GPHB5: variants seen among roughly 807,000 people sequenced by gnomAD.
GPHB5 encodes the protein glycoprotein hormone beta-5.
A neutral mutation model predicts 10.1 loss-of-function variants in GPHB5; 7 were observed. The ratio of observed to expected loss-of-function variants is 0.69; its 90% confidence interval spans 0.39 to 1.30. The LOEUF (loss-of-function observed/expected upper bound fraction) is 1.30. Ranked by LOEUF, GPHB5 falls within the 50% of genes most tolerant of loss-of-function variation. The pLI, the probability that GPHB5 is intolerant of heterozygous loss-of-function variation, is 0.01. For missense variants in GPHB5, 161 were observed against 169.8 expected, an observed-to-expected ratio of 0.95 and a Z score of 0.29; for synonymous variants, 68 against 70.1, an observed-to-expected ratio of 0.97 and a Z score of 0.15.
intron 2 of GPHB5, among the ~76,000 whole-genome samples, chr14:63,315,001 C>T (rs1321119299): frequency 6.7e-6 from 1 of 149,368 alleles, no homozygotes; most frequent in African/African-American, 2.5e-5. Flanking sequence ...CTCCTGGGTT[C>T]AAGCAAGTCT....
At chr14:63,317,412 C>T (rs950128735) in intron 2 of GPHB5, among the ~76,000 whole-genome samples, 1 of 152,198 alleles carries the variant, frequency 6.6e-6, no homozygotes, top group African/African-American at 2.4e-5. Context: ...GATACATAGA[C>T]ACAATGTAAA....
intron 2 of GPHB5, among the ~76,000 whole-genome samples, chr14:63,314,061 CAAG>C (rs1182002323): frequency 6.6e-6 from 1 of 152,206 alleles, no homozygotes; most frequent in Non-Finnish European, 1.5e-5. Flanking sequence ...GAAAACATTA[CAAG>C]ACAGGTTCCC....
At chr14:63,315,257 G>C (rs1271558) in intron 2 of GPHB5, among the ~76,000 whole-genome samples, 58,472 of 151,852 alleles carry the variant, frequency 0.39, 12,348 homozygotes, top group African/African-American at 0.56. Flanking sequence ...AATTTGTCCT[G>C]AACTGTTTTC....
At chr14:63,317,915 A>T in intron 1 of GPHB5, 65 bp from the exon 2 acceptor site, 1 of 1,449,478 alleles carries the variant, frequency 6.9e-7, no homozygotes, top group Non-Finnish European at 9.6e-7. Flanking sequence ...GGCACAGCCA[A>T]CCATGCATTT....
At chr14:63,314,502 T>G (rs1882733921) in intron 2 of GPHB5, among the ~76,000 whole-genome samples, 1 of 150,436 alleles carries the variant, frequency 6.6e-6, no homozygotes, top group Admixed American at 6.6e-5. Context: ...CTCATTGCAA[T>G]CTCCGCCTCC....
chr14:63,314,514 G>A (rs369119691), intron 2 of GPHB5, among the ~76,000 whole-genome samples: 127 of 147,824 alleles, frequency 8.6e-4, no homozygotes, highest in African/African-American at 2.2e-3. Context: ...TCCGCCTCCC[G>A]GGTTCACGCC....
chr14:63,317,555 A>C, intron 2 of GPHB5, 91 bp downstream of exon 2: 1 of 1,177,730 alleles, frequency 8.5e-7, no homozygotes, highest in Non-Finnish European at 1.2e-6. Flanking sequence ...TCCCAGCTCT[A>C]CCTCATATCA....
At chr14:63,315,862 C>T (rs1882762244) in intron 2 of GPHB5, among the ~76,000 whole-genome samples, 1 of 152,186 alleles carries the variant, frequency 6.6e-6, no homozygotes, top group South Asian at 2.1e-4. Flanking sequence ...TCCATCTTTC[C>T]AGTGAGAGCA....
rs1882795705 is a variant in GPHB5 at position 63,317,721 on chromosome 14, G to A, written c.129C>T (p.Phe43=). ...FVGCAVREFT[F]LAKKPGCRGL... is the part of the protein sequence containing the mutation. ...CCCTGCAGCCTGGCTTCTTGGCCAG[G>A]AAAGTAAACTCCCTCACGGCACAGC... The change falls in exon 2 of 3, where the codon TTC becomes TTT. Residue 43 remains phenylalanine (F), a synonymous_variant. Coordinates refer to ENST00000621500, the MANE Select transcript of GPHB5 (RefSeq NM_145171.4). The A allele has an allele frequency of 6.2e-7, 1 of 1,614,040 alleles. No individual in the cohort carries two copies. Among genetic ancestry groups the A allele is most frequent in the Non-Finnish European group, 8.5e-7 (1 of 1,179,900 alleles).
chr14:63,314,998 G>A (rs1350704616), intron 2 of GPHB5, among the ~76,000 whole-genome samples: 2 of 151,138 alleles, frequency 1.3e-5, no homozygotes, highest in Non-Finnish European at 2.9e-5. Flanking sequence ...CACCTCCTGG[G>A]TTCAAGCAAG....
intron 2 of GPHB5, among the ~76,000 whole-genome samples, chr14:63,313,834 T>C (rs763635951): frequency 2.0e-5 from 3 of 152,164 alleles, no homozygotes; most frequent in Non-Finnish European, 4.4e-5. Context: ...ACATTCCATC[T>C]CCATGCCCAG....
intron 2 of GPHB5, among the ~76,000 whole-genome samples, chr14:63,315,200 C>T (rs1167390235): frequency 1.3e-5 from 2 of 152,168 alleles, no homozygotes; most frequent in African/African-American, 4.8e-5. Context: ...CAGGTGTTAG[C>T]CACCACGCCC....
In GPHB5 at chr14:63,317,762, G is replaced by C. The variant is rs1238678699; in HGVS notation, c.88C>G (p.Leu30Val). 16 of 1,613,950 alleles carry C rather than the reference G, an allele frequency of 9.9e-6. No individual in the cohort carries two copies. In the Admixed American group the frequency reaches 2.7e-4, roughly 27 times the overall value. ...GCVLGASSGN[L>V]RTFVGCAVRE... ...ACGGCACAGCCCACAAAGGTGCGCA[G>C]GTTCCCACTGGAGGCACCGAGGACA... The change falls in exon 2 of 3, where the codon CTG becomes GTG. Residue 30 changes from leucine to valine, a missense_variant. By Grantham distance (32) the Leu-to-Val change is conservative. Coordinates refer to ENST00000621500, the MANE Select transcript of GPHB5 (RefSeq NM_145171.4).
chr14:63,314,905 C>CTTTTT (rs71120257), intron 2 of GPHB5, among the ~76,000 whole-genome samples: 2 of 75,350 alleles, frequency 2.7e-5, no homozygotes, highest in African/African-American at 5.9e-5. Context: ...TTTCTTTTTT[C>CTTTTT]TTTTTTTTTT....
chr14:63,314,095 T>C (rs1882725584), intron 2 of GPHB5, among the ~76,000 whole-genome samples: 1 of 152,238 alleles, frequency 6.6e-6, no homozygotes, highest in Non-Finnish European at 1.5e-5. Flanking sequence ...TGCACTGTTC[T>C]GATCATCAAA....
At chr14:63,313,550 C>T (rs987184003) in intron 2 of GPHB5, among the ~76,000 whole-genome samples, 2 of 152,160 alleles carry the variant, frequency 1.3e-5, no homozygotes, top group Non-Finnish European at 2.9e-5. Flanking sequence ...TTATGATCAC[C>T]TTCAAGACCT....
chr14:63,318,694 T>C (rs1566641692), intron 1 of GPHB5, 130 bp downstream of exon 1: 1 of 152,194 alleles, frequency 6.6e-6, no homozygotes, highest in Admixed American at 6.5e-5. Flanking sequence ...ATAAAGGATA[T>C]GGCATTCATG....
intron 1 of GPHB5, among the ~76,000 whole-genome samples, chr14:63,318,406 A>T (rs1466941961): frequency 6.6e-6 from 1 of 152,208 alleles, no homozygotes; most frequent in African/African-American, 2.4e-5. Context: ...TATGCAGAAG[A>T]TATCATGAAA....
At chr14:63,317,909 C>T in intron 1 of GPHB5, 59 bp from the exon 2 acceptor site, 1 of 1,481,096 alleles carries the variant, frequency 6.8e-7, no homozygotes, top group Non-Finnish European at 9.3e-7. Flanking sequence ...TTCAATGGCA[C>T]AGCCAACCAT....
Sources: gnomAD v4.1 joint callset for allele counts (sites outside exome capture counted in the v4.1 genomes callset) on GRCh38, gnomAD v4.1.1 for gene constraint, MANE v1.5 for transcripts, NCBI Gene and HGNC (gene_info 2026-07-23, HGNC 2026-07-21) for gene names.